Variants in NEFH observed in about 807,000 individuals in gnomAD.
The protein encoded by NEFH is neurofilament heavy chain.
NEFH carries 58 observed loss-of-function variants against 56.6 expected under a neutral mutation model. The observed-to-expected ratio is 1.03, with a 90% confidence interval of 0.83 to 1.28. The LOEUF (loss-of-function observed/expected upper bound fraction) is 1.28, where lower values mean the gene tolerates loss of function less well. Ranked by LOEUF, NEFH falls within the 50% of genes most tolerant of loss-of-function variation. The pLI, the probability that NEFH is intolerant of heterozygous loss-of-function variation, is 0.00. For synonymous variants in NEFH, 542 were observed against 545.8 expected, an observed-to-expected ratio of 0.99 and a Z score of 0.10; for missense variants, 1,221 against 1,307.6, an observed-to-expected ratio of 0.93 and a Z score of 1.02.
rs769162779 is a variant in NEFH at position 29,480,710 on chromosome 22, G to A, written c.448G>A (p.Val150Ile). 2.5e-5 allele frequency: 38 copies of A among 1,518,290 alleles called. No homozygotes were observed. Among genetic ancestry groups the A allele is most frequent in the Non-Finnish European group, 3.2e-5 (37 of 1,141,526 alleles). 94.1% of individuals were successfully genotyped at this position (1,518,290 alleles called of 1,614,324 possible). A position where few individuals can be genotyped will look rare whatever the true frequency, so the allele number is the denominator to read the frequency against. ...TATGGGCGAGCTGTACGAGCGCGAG[G>A]TCCGCGAGATGCGCGGCGCGGTGCT... ...SAMGELYERE[V>I]REMRGAVLRL... The change falls in exon 1 of 4, where the codon GTC becomes ATC. Residue 150 changes from valine to isoleucine, a missense_variant. Physicochemically the swap from Val to Ile is conservative, Grantham distance 29. Around this residue, in one of 4 missense-constraint regions of NEFH, gnomAD observed 640 missense variants for 555.5 expected, o/e 1.15. Transcript: ENST00000310624.
intron 1 of NEFH, among the ~76,000 whole-genome samples, chr22:29,481,666 A>C (rs1379527933): frequency 2.6e-5 from 4 of 151,984 alleles, no homozygotes; most frequent in African/African-American, 9.7e-5. Context: ...TAAATCTTCC[A>C]CGTGGGGGTG....
intron 2 of NEFH, 55 bp downstream of exon 2, chr22:29,483,629 G>T (rs892462787): frequency 1.3e-6 from 2 of 1,574,848 alleles, no homozygotes; most frequent in African/African-American, 2.7e-5. Context: ...GGTAGCCCTG[G>T]ACAAGTTACT....
Position 29,488,971 on chromosome 22 carries a change from T to A in NEFH, c.1331T>A (p.Ile444Asn). Residue 444 changes from isoleucine (I) to asparagine (N), a missense_variant, in exon 4 of 4, where the codon ATC becomes AAC. Physicochemically the swap from Ile to Asn is moderately radical, Grantham distance 149. Around this residue, in one of 4 missense-constraint regions of NEFH, gnomAD observed 243 missense variants for 299.1 expected, o/e 0.81. Coordinates refer to ENST00000310624, the MANE Select transcript of NEFH (RefSeq NM_021076.4). ...ATAAAGGTGAAAAGCGAAGAGAAGA[T>A]CAAAGTGGTGGAGAAGTCTGAGAAA... ...THIKVKSEEK[I>N]KVVEKSEKET... 6.2e-7 allele frequency: 1 copy of A among 1,613,858 alleles called. No individual in the cohort carries two copies. The highest frequency in any genetic ancestry group is 2.2e-5 in the East Asian group (1 of 44,856).
chr22:29,489,950 G>A lies in NEFH; in HGVS notation c.2310G>A (p.Ala770=), dbSNP rs757096652. 74 of 1,613,558 alleles carry A rather than the reference G, an allele frequency of 4.6e-5. No homozygotes were observed. The highest frequency in any genetic ancestry group is 5.6e-5 in the Non-Finnish European group (66 of 1,179,922). Residue 770 remains alanine, a synonymous_variant, in exon 4 of 4, where the codon GCG becomes GCA. Coordinates refer to ENST00000310624, the MANE Select transcript of NEFH (RefSeq NM_021076.4). ...AGTCTCCAGAAGCCAAGACTCCAGC[G>A]AAGGAGGAAGCAAGGTCCCCTGCAG... ...DVKSPEAKTP[A]KEEARSPADK... is the part of the protein sequence containing the mutation.
intron 3 of NEFH, among the ~76,000 whole-genome samples, chr22:29,486,508 G>C (rs1350416893): frequency 6.7e-6 from 1 of 148,440 alleles, no homozygotes; most frequent in South Asian, 2.1e-4. Flanking sequence ...TTTACTCTGA[G>C]AGACATGAGT....
At chr22:29,488,516 T>A (rs1285673748) in intron 3 of NEFH, among the ~76,000 whole-genome samples, 2 of 152,226 alleles carry the variant, frequency 1.3e-5, no homozygotes, top group Non-Finnish European at 2.9e-5. Context: ...GGGCCATTTT[T>A]TATGGGGCAA....
At chr22:29,483,325 A>C in intron 1 of NEFH, 50 bp from the exon 2 acceptor site, 4 of 1,542,458 alleles carry the variant, frequency 2.6e-6, no homozygotes, top group Non-Finnish European at 3.6e-6. Context: ...TGGGCATTAG[A>C]ACCCAGTCCA....
In NEFH at chr22:29,488,950, A is replaced by G. The variant is rs1602971285; in HGVS notation, c.1310A>G (p.Lys437Arg). The stretch of plus-strand genomic sequence containing the variant: ...ATTCCCTCTGTGTCCACTCACATAA[A>G]GGTGAAAAGCGAAGAGAAGATCAAA... Reference protein sequence around the residue: ...PKIPSVSTHIKVKSEEKIKVV... With the variant: ...PKIPSVSTHIRVKSEEKIKVV... The change falls in exon 4 of 4, where the codon AAG (lysine) becomes AGG (arginine). Residue 437 changes from lysine (K) to arginine (R), a missense_variant. Transcript: ENST00000310624. 29 of 1,614,214 alleles carry G rather than the reference A, an allele frequency of 1.8e-5. No homozygotes were observed. Among genetic ancestry groups the G allele is most frequent in the Non-Finnish European group, 2.5e-5 (29 of 1,180,042 alleles).
Position 29,485,548 on chromosome 22 carries a change from C to T in NEFH, c.1084-175C>T, listed in dbSNP as rs78248741. Among the ~76,000 whole-genome samples, 2,611 of 152,354 alleles carry T rather than the reference C, an allele frequency of 0.017. 69 individuals are homozygous for T. The highest frequency in any genetic ancestry group is 0.06 in the African/African-American group (2,509 of 41,574). ...GTCACTATACAGCAGGATTTTTGCTCCAGATTGTTCCACGTCCACTAATGA... is the reference window on the plus strand; with the variant it reads ...GTCACTATACAGCAGGATTTTTGCTTCAGATTGTTCCACGTCCACTAATGA... On this transcript the variant is annotated intron_variant, in intron 2 of 3. Transcript: ENST00000310624.
intron 2 of NEFH, among the ~76,000 whole-genome samples, chr22:29,485,364 A>G (rs1286306496): frequency 6.6e-6 from 1 of 152,080 alleles, no homozygotes. Flanking sequence ...CAGCTTCCCA[A>G]AGTGTTGGGA....
intron 1 of NEFH, among the ~76,000 whole-genome samples, chr22:29,482,003 G>A (rs1044551959): frequency 1.3e-5 from 2 of 152,158 alleles, no homozygotes; most frequent in African/African-American, 2.4e-5. Flanking sequence ...GATGTCTCAC[G>A]AAACTGTCTG....
intron 3 of NEFH, among the ~76,000 whole-genome samples, chr22:29,488,446 T>G (rs373787174): frequency 4.7e-4 from 71 of 152,242 alleles, no homozygotes; most frequent in African/African-American, 1.6e-3. Flanking sequence ...TGAATAATAT[T>G]TTAGTTTGAG....
intron 1 of NEFH, 78 bp downstream of exon 1, chr22:29,481,223 G>A: frequency 3.6e-6 from 5 of 1,408,418 alleles, no homozygotes; most frequent in Non-Finnish European, 3.9e-6. Flanking sequence ...GACCCAAGGG[G>A]GCGCTGCCGG....
At chr22:29,488,296 T>G (rs571203555) in intron 3 of NEFH, among the ~76,000 whole-genome samples, 2 of 151,952 alleles carry the variant, frequency 1.3e-5, no homozygotes, top group Non-Finnish European at 2.9e-5. Context: ...GCTGGGGGAA[T>G]TGCTTGAATC....
Position 29,483,325 on chromosome 22 carries a change from A to G in NEFH, c.884-50A>G, listed in dbSNP as rs975222102. The G allele has an allele frequency of 1.5e-5, 23 of 1,542,458 alleles. No homozygotes were observed. In the East Asian group the frequency reaches 5.2e-4, roughly 35 times the overall value. ...ACAAAGAAAAAAATCTGGGCATTAGAACCCAGTCCAGGTGTGTCTAACCCT... is the reference window on the plus strand; with the variant it reads ...ACAAAGAAAAAAATCTGGGCATTAGGACCCAGTCCAGGTGTGTCTAACCCT... On this transcript the variant is annotated intron_variant, in intron 1 of 3. Coordinates refer to ENST00000310624, the MANE Select transcript of NEFH (RefSeq NM_021076.4).
chr22:29,481,285 C>A, intron 1 of NEFH, 140 bp downstream of exon 1: 1 of 832,354 alleles, frequency 1.2e-6, no homozygotes, highest in Non-Finnish European at 1.8e-6. Context: ...AGTGCATGCC[C>A]CTAGTTAAAT....
At chr22:29,488,788 G>A in intron 3 of NEFH, 61 bp from the exon 4 acceptor site, 1 of 1,523,778 alleles carries the variant, frequency 6.6e-7, no homozygotes. Flanking sequence ...AGTCTAGGAA[G>A]AACCCAAATA....
chr22:29,487,369 G>A (rs954846027), intron 3 of NEFH, among the ~76,000 whole-genome samples: 1 of 151,636 alleles, frequency 6.6e-6, no homozygotes, highest in African/African-American at 2.4e-5. Context: ...AGTGACTCAT[G>A]CCTGTAATCC....
intron 1 of NEFH, among the ~76,000 whole-genome samples, chr22:29,482,799 T>C (rs971162161): frequency 2.0e-5 from 3 of 152,050 alleles, no homozygotes; most frequent in African/African-American, 4.8e-5. Context: ...CCCTGCAGGG[T>C]TTTTGGATCC....
Sources: gnomAD v4.1 joint callset for allele counts (sites outside exome capture counted in the v4.1 genomes callset) on GRCh38, gnomAD v4.1.1 for gene constraint, gnomAD v4.1.1 regional missense constraint, MANE v1.5 for transcripts, NCBI Gene and HGNC (gene_info 2026-07-23, HGNC 2026-07-21) for gene names.